PPP6C: variants seen among roughly 807,000 people sequenced by gnomAD.
The protein encoded by PPP6C is serine/threonine-protein phosphatase 6 catalytic subunit.
A neutral mutation model predicts 39.8 loss-of-function variants in PPP6C; 11 were observed. The ratio of observed to expected loss-of-function variants is 0.28; its 90% CI spans 0.17 to 0.46. The LOEUF (loss-of-function observed/expected upper bound fraction) is 0.46, where lower values mean the gene tolerates loss of function less well. PPP6C is among the 20% of genes least tolerant of loss of function. The probability of loss-of-function intolerance (pLI) is 1.00; values close to 1 mark genes in which losing one functional copy is unlikely to be tolerated. For missense variants in PPP6C, 211 were observed against 373.9 expected (o/e 0.56, Z 3.59); for synonymous variants, 129 against 130.3 (o/e 0.99, Z 0.07).
chr9:125,150,551 CA>C, intron 6 of PPP6C: 1 of 538,452 alleles, frequency 1.9e-6, no homozygotes, highest in Non-Finnish European at 3.5e-6. Context: ...AGTAGCATCG[CA>C]AAGAGATTAG....
intron 4 of PPP6C, among the ~76,000 whole-genome samples, chr9:125,156,905 TG>T (rs1258626990): frequency 6.6e-6 from 1 of 152,100 alleles, no homozygotes; most frequent in Admixed American, 6.6e-5. Flanking sequence ...CTCCACCTCC[TG>T]GGTTCAATCA....
intron 1 of PPP6C, among the ~76,000 whole-genome samples, chr9:125,180,308 A>G (rs1353476647): frequency 5.9e-5 from 9 of 152,212 alleles, no homozygotes; most frequent in Non-Finnish European, 1.3e-4. Context: ...TTAATAATCC[A>G]TTAGACCTAT....
At chr9:125,173,620 T>A (rs985696595) in intron 1 of PPP6C, among the ~76,000 whole-genome samples, 2 of 151,864 alleles carry the variant, frequency 1.3e-5, no homozygotes, top group Non-Finnish European at 1.5e-5. Context: ...ATGAGCCTTT[T>A]TTAATTTTAT....
intron 1 of PPP6C, among the ~76,000 whole-genome samples, chr9:125,183,176 T>C (rs1286158659): frequency 1.3e-5 from 2 of 152,144 alleles, no homozygotes; most frequent in African/African-American, 2.4e-5. Context: ...TCATTTCCTT[T>C]CCAACACAAC....
At chr9:125,158,665 CTTTT>C (rs973245979) in intron 3 of PPP6C, among the ~76,000 whole-genome samples, 2 of 148,884 alleles carry the variant, frequency 1.3e-5, no homozygotes, top group Admixed American at 1.3e-4. Context: ...ATTTTTTTTT[CTTTT>C]TTTTCTTTTT....
intron 1 of PPP6C, among the ~76,000 whole-genome samples, chr9:125,181,127 T>C (rs775563480): frequency 1.3e-5 from 2 of 152,148 alleles, no homozygotes; most frequent in Non-Finnish European, 2.9e-5. Flanking sequence ...ATAAGAAGTC[T>C]ATGCAATCTC....
intron 2 of PPP6C, among the ~76,000 whole-genome samples, chr9:125,167,120 C>T (rs1336340435): frequency 6.6e-6 from 1 of 151,958 alleles, no homozygotes; most frequent in Non-Finnish European, 1.5e-5. Flanking sequence ...GCGGCTCACA[C>T]CTGTAGTCCC....
rs1168730026 is a variant in PPP6C at position 125,186,938 on chromosome 9, CTTTTTT to C, written c.75+2700_75+2705del. The stretch of plus-strand genomic sequence containing the variant: ...AAAGAAGTCCAACAGATTTTTCTTT[CTTTTTT>C]TTTTTTTTTTTTTTTTTGGTGAGAC... On this transcript the variant is annotated intron_variant, in intron 1 of 6. Transcript: ENST00000373547. Among the ~76,000 whole-genome samples the C allele has an allele frequency of 6.9e-3, 575 of 83,670 alleles. 10 individuals are homozygous for C. Among genetic ancestry groups the C allele is most frequent in the South Asian group, 0.054 (122 of 2,242 alleles). 54.9% of individuals were successfully genotyped at this position (83,670 alleles called of 152,430 possible).
intron 2 of PPP6C, among the ~76,000 whole-genome samples, chr9:125,164,216 C>CCCT (rs1828960607): frequency 8.4e-6 from 1 of 119,706 alleles, no homozygotes; most frequent in African/African-American, 3.1e-5. Context: ...CTCCCTCACT[C>CCCT]TCTTTTTTTT....
rs368232084 is a variant in PPP6C at position 125,149,542 on chromosome 9, T to TAAA, written c.*128_*130dup. 2 of 902,816 alleles carry TAAA rather than the reference T, an allele frequency of 2.2e-6. No homozygotes were observed. The highest frequency in any genetic ancestry group is 1.5e-6 in the Non-Finnish European group (1 of 647,246). The allele number at this position is 902,816 out of a possible 1,614,324, so 55.9% of individuals were successfully genotyped here. The stretch of plus-strand genomic sequence containing the variant: ...CAATAAATTTAGATAATTTAAAATT[T>TAAA]AAAAAAAAAAAGGCAAGAGGCAGCA... On this transcript the variant is annotated 3_prime_UTR_variant, in exon 7 of 7. Transcript: ENST00000373547.
chr9:125,177,553 A>G (rs983099395), intron 1 of PPP6C, among the ~76,000 whole-genome samples: 1 of 152,052 alleles, frequency 6.6e-6, no homozygotes, highest in African/African-American at 2.4e-5. Context: ...AAAAAAAGAA[A>G]AAGAAAAAAA....
chr9:125,155,262 A>G (rs1020432790), intron 4 of PPP6C, among the ~76,000 whole-genome samples: 3 of 152,116 alleles, frequency 2.0e-5, no homozygotes, highest in African/African-American at 7.2e-5. Flanking sequence ...GAAGCTCTGT[A>G]CTTTGGCTTC....
At chr9:125,152,831 CA>C (rs546157506) in intron 6 of PPP6C, among the ~76,000 whole-genome samples, 1,290 of 115,430 alleles carry the variant, frequency 0.011, 22 homozygotes, top group African/African-American at 0.038. Context: ...ACTCTTGTCT[CA>C]AAAAAAAAAA....
At position 125,189,755 on chromosome 9, in the gene PPP6C, C is replaced by G. The variant is rs1213894707; in HGVS notation, c.-37G>C. 30 of 1,552,926 alleles carry G rather than the reference C, an allele frequency of 1.9e-5. No homozygotes were observed. Among genetic ancestry groups the G allele is most frequent in the Non-Finnish European group, 2.6e-5 (30 of 1,150,928 alleles). On this transcript the variant is annotated 5_prime_UTR_variant, in exon 1 of 7. Coordinates refer to ENST00000373547, the MANE Select transcript of PPP6C (RefSeq NM_002721.5). ...CAAGCCGCGGCAACAGCGGCGGCGGCGGCTGTAGCAGCGGCGGCGGCAGCG... is the reference window on the plus strand; with the variant it reads ...CAAGCCGCGGCAACAGCGGCGGCGGGGGCTGTAGCAGCGGCGGCGGCAGCG...
At chr9:125,189,478 C>T in intron 1 of PPP6C, 166 bp downstream of exon 1, 1 of 1,447,036 alleles carries the variant, frequency 6.9e-7, no homozygotes, top group Middle Eastern at 2.5e-4. Context: ...GACGACTCGG[C>T]TCGCGAGACC....
Position 125,167,389 on chromosome 9 carries a change from A to AAAAAAAAAAAAAAAAG in PPP6C, c.171+3695_171+3696insCTTTTTTTTTTTTTTT, listed in dbSNP as rs1554722081. ...GAGCGAGACCCTGTCCAAAAAAAAA[A>AAAAAAAAAAAAAAAAG]AAAAAAAAAAGAAATAAAAAAAAGG... On this transcript the variant is annotated intron_variant, in intron 2 of 6. Coordinates refer to ENST00000373547, the MANE Select transcript of PPP6C (RefSeq NM_002721.5). 9.3e-3 allele frequency among the ~76,000 whole-genome samples: 1,281 copies of AAAAAAAAAAAAAAAAG among 137,842 alleles called. 41 individuals carry two copies. The highest frequency in any genetic ancestry group is 0.034 in the African/African-American group (1,227 of 36,468). The allele number at this position is 137,842 out of a possible 152,430, so 90.4% of individuals were successfully genotyped here.
intron 1 of PPP6C, among the ~76,000 whole-genome samples, chr9:125,176,996 T>C (rs968885443): frequency 6.6e-6 from 1 of 152,208 alleles, no homozygotes; most frequent in Non-Finnish European, 1.5e-5. Context: ...GGAAAGTAGA[T>C]TTTTTTATTG....
chr9:125,178,001 G>T (rs1829340991), intron 1 of PPP6C, among the ~76,000 whole-genome samples: 2 of 152,038 alleles, frequency 1.3e-5, no homozygotes, highest in African/African-American at 4.8e-5. Flanking sequence ...TCTTAGCACT[G>T]CATAATATTT....
intron 1 of PPP6C, among the ~76,000 whole-genome samples, chr9:125,180,463 C>A (rs1028340042): frequency 6.6e-6 from 1 of 152,114 alleles, no homozygotes. Context: ...GCTCTTGTCA[C>A]CCAGGCTGCA....
Sources: allele counts gnomAD v4.1 joint callset (sites outside exome capture counted in the v4.1 genomes callset), GRCh38; gene constraint gnomAD v4.1.1; transcripts MANE v1.5; gene names NCBI Gene and HGNC (gene_info 2026-07-23, HGNC 2026-07-21).